The following SFMBT2 variants were observed in gnomAD, a reference collection of about 807,000 sequenced individuals.
SFMBT2 encodes scm-like with four MBT domains protein 2.
Under a neutral mutation model 110.1 loss-of-function variants are expected in SFMBT2, and 38 were observed. That is an observed-to-expected ratio of 0.35 (90% CI 0.27 to 0.45). The LOEUF (loss-of-function observed/expected upper bound fraction) is 0.45. SFMBT2 is among the 20% of genes least tolerant of loss of function. The probability of loss-of-function intolerance (pLI) is 1.00; values close to 1 mark genes in which losing one functional copy is unlikely to be tolerated. For synonymous variants in SFMBT2, 425 were observed against 425.4 expected (o/e 1.00, Z 0.01); for missense variants, 1,011 against 1,094.9 (o/e 0.92, Z 1.08).
Position 7,197,626 on chromosome 10 carries a change from G to T in SFMBT2, c.1620C>A (p.Gly540=), listed in dbSNP as rs748180951. Reference sequence around the variant, plus strand: ...CAATCCTTCCTTTGTTCAGGTAAGGGCCTGAGAAACACCTGTGGTTGATGA... The same window carrying T: ...CAATCCTTCCTTTGTTCAGGTAAGGTCCTGAGAAACACCTGTGGTTGATGA... ...QLFINHRCFS[G]PYLNKGRIAE... is the part of the protein sequence containing the mutation. The change falls in exon 15 of 21, where the codon GGC becomes GGA. Residue 540 remains glycine (G), a synonymous_variant. Transcript: ENST00000397167. The T allele has an allele frequency of 2.5e-6, 4 of 1,614,090 alleles. No homozygotes were observed. In the African/African-American group the frequency reaches 5.3e-5, roughly 22 times the overall value.
chr10:7,340,293 G>A (rs1290813702), intron 4 of SFMBT2, among the ~76,000 whole-genome samples: 1 of 150,752 alleles, frequency 6.6e-6, no homozygotes, highest in East Asian at 1.9e-4. Flanking sequence ...CTGAGTAGGT[G>A]AGGAGGAGGA....
At chr10:7,235,483 C>T (rs113368453) in intron 9 of SFMBT2, among the ~76,000 whole-genome samples, 17,433 of 151,780 alleles carry the variant, frequency 0.11, 1,162 homozygotes, top group African/African-American at 0.19. Context: ...AATCTGAACA[C>T]CTTAACACAA....
At position 7,227,886 on chromosome 10, in the gene SFMBT2, G is replaced by A. The variant is rs750758773; in HGVS notation, c.1172C>T (p.Ala391Val). 38 of 1,609,140 alleles carry A rather than the reference G, an allele frequency of 2.4e-5. 1 individual carries two copies. In the East Asian group the frequency reaches 2.5e-4, roughly 10 times the overall value. Residue 391 changes from alanine (A) to valine (V), a missense_variant, in exon 10 of 21, where the codon GCG becomes GTG. This residue lies in a region of SFMBT2 where 979 missense variants were observed against 1,016.1 expected (regional missense o/e 0.96). Transcript: ENST00000397167. ...GAAGCAGAAGGGAGGGGCTTCCTGC[G>A]CCCCATGCTGCTTGTGATAATCTGC... ...DWADYHKQHG[A>V]QEAPPFCFRN...
At chr10:7,326,392 A>G (rs1171509138) in intron 4 of SFMBT2, among the ~76,000 whole-genome samples, 1 of 152,224 alleles carries the variant, frequency 6.6e-6, no homozygotes, top group East Asian at 1.9e-4. Flanking sequence ...GCCCCTGCCC[A>G]GGAAATGCCA....
At position 7,253,665 on chromosome 10, in the gene SFMBT2, C is replaced by T. The variant is rs187643056; in HGVS notation, c.871-5016G>A. ...AGACATTCTGAGAGGTTGCAGCATCCAAACACAGGTATTTGTAGTCTGGCC... is the reference window on the plus strand; with the variant it reads ...AGACATTCTGAGAGGTTGCAGCATCTAAACACAGGTATTTGTAGTCTGGCC... On this transcript the variant is annotated intron_variant, in intron 7 of 20. Transcript: ENST00000397167. Among the ~76,000 whole-genome samples the T allele has an allele frequency of 1.3e-3, 191 of 152,258 alleles. 1 individual carries two copies. Among genetic ancestry groups the T allele is most frequent in the African/African-American group, 4.5e-3 (187 of 41,540 alleles).
intron 1 of SFMBT2, among the ~76,000 whole-genome samples, chr10:7,406,904 C>A (rs1846226516): frequency 6.6e-6 from 1 of 151,878 alleles, no homozygotes; most frequent in Non-Finnish European, 1.5e-5. Context: ...GCGAGACCCC[C>A]GGCTCGGGGC....
intron 4 of SFMBT2, among the ~76,000 whole-genome samples, chr10:7,299,999 A>G (rs919005406): frequency 6.6e-6 from 1 of 152,202 alleles, no homozygotes; most frequent in Admixed American, 6.5e-5. Flanking sequence ...AAAAGGAATA[A>G]GATCATATCC....
At chr10:7,194,538 C>T (rs1453867441) in intron 15 of SFMBT2, among the ~76,000 whole-genome samples, 1 of 152,172 alleles carries the variant, frequency 6.6e-6, no homozygotes, top group Non-Finnish European at 1.5e-5. Context: ...TTCCTAATAA[C>T]ACCGATGGCC....
At chr10:7,251,627 T>C (rs939520275) in intron 7 of SFMBT2, among the ~76,000 whole-genome samples, 1 of 152,146 alleles carries the variant, frequency 6.6e-6, no homozygotes, top group Non-Finnish European at 1.5e-5. Context: ...AATTATGAAA[T>C]AATAAAGCGT....
At chr10:7,320,873 C>T (rs1442766503) in intron 4 of SFMBT2, among the ~76,000 whole-genome samples, 1 of 152,144 alleles carries the variant, frequency 6.6e-6, no homozygotes, top group African/African-American at 2.4e-5. Context: ...AGAGCAACTC[C>T]CATCCAAGCG....
chr10:7,401,859 G>C (rs538888176), intron 1 of SFMBT2, among the ~76,000 whole-genome samples: 17 of 152,208 alleles, frequency 1.1e-4, no homozygotes, highest in South Asian at 4.1e-4. Context: ...GCCATTCCAC[G>C]GGACATTTCT....
chr10:7,275,346 G>C (rs1208020005), intron 7 of SFMBT2, among the ~76,000 whole-genome samples: 1 of 152,236 alleles, frequency 6.6e-6, no homozygotes, highest in Non-Finnish European at 1.5e-5. Context: ...CCACGGTGAA[G>C]AGAAAGGGGC....
At chr10:7,399,923 G>A (rs917964886) in intron 1 of SFMBT2, among the ~76,000 whole-genome samples, 2 of 152,230 alleles carry the variant, frequency 1.3e-5, no homozygotes, top group Non-Finnish European at 2.9e-5. Context: ...AACAGAGACT[G>A]AAAGAAGGGA....
intron 4 of SFMBT2, among the ~76,000 whole-genome samples, chr10:7,330,991 T>C (rs1012748094): frequency 1.8e-4 from 27 of 152,220 alleles, no homozygotes; most frequent in Non-Finnish European, 3.8e-4. Flanking sequence ...TCAGGACACC[T>C]TGATGCAGCC....
rs146430184 is a variant in SFMBT2, at chr10:7,335,517, C to T, written c.436+32132G>A. 4.6e-5 allele frequency among the ~76,000 whole-genome samples: 7 copies of T among 150,722 alleles called. No homozygotes were observed. In the East Asian group the frequency reaches 1.2e-3, roughly 25 times the overall value. On this transcript the variant is annotated intron_variant, in intron 4 of 20. Transcript: ENST00000397167. ...AATCTGCAGACCACCACAATTAAAA[C>T]GTCCAATAAATTTCTCTTTCTCAAA...
Position 7,171,602 on chromosome 10 carries a change from A to G in SFMBT2, c.2415+293T>C. On this transcript the variant is annotated intron_variant, in intron 19 of 20. Transcript: ENST00000397167. This position sits in a 1 kb window ranked among gnomAD's most constrained non-coding sequence, Gnocchi z 4.9. The stretch of plus-strand genomic sequence containing the variant: ...GGGGAAGGAATTTCTGGAAACCCAG[A>G]CTTCAAAGGAAACTGAGGACTGTGC... 1 of 982,830 alleles carries G rather than the reference A, an allele frequency of 1.0e-6. No individual in the cohort carries two copies. The highest frequency in any genetic ancestry group is 1.2e-6 in the Non-Finnish European group (1 of 827,578). 60.9% of individuals were successfully genotyped at this position (982,830 alleles called of 1,614,324 possible).
chr10:7,314,237 GAC>G (rs1466101273), intron 4 of SFMBT2, among the ~76,000 whole-genome samples: 1 of 152,176 alleles, frequency 6.6e-6, no homozygotes, highest in African/African-American at 2.4e-5. Context: ...GGAGGCAGAT[GAC>G]ACAGCGCTAA....
chr10:7,243,790 A>G, intron 8 of SFMBT2, 85 bp from the exon 9 acceptor site: 6 of 706,414 alleles, frequency 8.5e-6, no homozygotes, highest in Non-Finnish European at 1.5e-5. Context: ...AGAGCTTCCA[A>G]AGGCAATTAA....
At chr10:7,215,447 G>T in intron 11 of SFMBT2, 1 of 621,686 alleles carries the variant, frequency 1.6e-6, no homozygotes. Flanking sequence ...GTTTCCTATG[G>T]TCTTGAACCT....
Sources: allele counts gnomAD v4.1 joint callset (sites outside exome capture counted in the v4.1 genomes callset), GRCh38; gene constraint gnomAD v4.1.1; regional missense constraint gnomAD v4.1.1; non-coding constraint Gnocchi (gnomAD v3.1); transcripts MANE v1.5; gene names NCBI Gene and HGNC (gene_info 2026-07-23, HGNC 2026-07-21).